The following ADAMTS9 variants were observed in gnomAD, a reference collection of about 807,000 sequenced individuals.
ADAMTS9 encodes A disintegrin and metalloproteinase with thrombospondin motifs 9.
ADAMTS9 carries 107 observed loss-of-function variants against 257.1 expected under a neutral mutation model. The ratio of observed to expected loss-of-function variants is 0.42; its 90% CI spans 0.36 to 0.49. The LOEUF is 0.49. Ranked by LOEUF, ADAMTS9 falls within the 20% of genes least tolerant of loss-of-function variation. The pLI is 0.03. For missense variants in ADAMTS9, 2,353 were observed against 2,469.1 expected (o/e 0.95, Z 1.00); for synonymous variants, 982 against 880.9 (o/e 1.11, Z -2.03).
At chr3:64,613,974 T>C (rs547668834) in intron 21 of ADAMTS9, among the ~76,000 whole-genome samples, 1 of 152,348 alleles carries the variant, frequency 6.6e-6, no homozygotes, top group Non-Finnish European at 1.5e-5. Flanking sequence ...AATGTTCATT[T>C]AATAAATGCC....
At chr3:64,635,436 A>G (rs529202374) in intron 12 of ADAMTS9, among the ~76,000 whole-genome samples, 19 of 152,342 alleles carry the variant, frequency 1.2e-4, no homozygotes, top group African/African-American at 4.6e-4. Flanking sequence ...ATTATTTATC[A>G]TAAGGAAGAC....
chr3:64,530,105 C>G (rs2082958646), intron 38 of ADAMTS9, among the ~76,000 whole-genome samples: 1 of 149,324 alleles, frequency 6.7e-6, no homozygotes, highest in South Asian at 2.1e-4. Context: ...ATTATGGGCA[C>G]AAGGCACTAC....
chr3:64,535,023 G>A (rs1165856930), intron 37 of ADAMTS9, among the ~76,000 whole-genome samples: 1 of 152,156 alleles, frequency 6.6e-6, no homozygotes, highest in Non-Finnish European at 1.5e-5. Context: ...AATAGGAGGT[G>A]ATTAGACAGA....
At chr3:64,567,842 G>GA (rs2083580875) in intron 29 of ADAMTS9, among the ~76,000 whole-genome samples, 2 of 152,144 alleles carry the variant, frequency 1.3e-5, no homozygotes, top group Admixed American at 1.3e-4. Context: ...GTAGGCTCAG[G>GA]AAAATTAAAT....
chr3:64,682,565 G>A (rs1352515014), intron 2 of ADAMTS9, among the ~76,000 whole-genome samples: 2 of 152,160 alleles, frequency 1.3e-5, no homozygotes, highest in Non-Finnish European at 2.9e-5. Flanking sequence ...GAGAAATCAA[G>A]CTCCACTCTT....
chr3:64,680,342 A>C (rs919324598), intron 3 of ADAMTS9, among the ~76,000 whole-genome samples: 2 of 152,234 alleles, frequency 1.3e-5, no homozygotes, highest in African/African-American at 4.8e-5. Flanking sequence ...ATAAAGTTTT[A>C]GAGACAGGGA....
At chr3:64,624,564 A>G (rs1345149817) in intron 16 of ADAMTS9, among the ~76,000 whole-genome samples, 3 of 152,194 alleles carry the variant, frequency 2.0e-5, no homozygotes, top group Admixed American at 2.0e-4. Context: ...AGGTCAAGAG[A>G]GCTTATTGGG....
rs1427795450 is a variant in ADAMTS9, at chr3:64,650,882, T to C, written c.1463+135A>G. 7.3e-6 allele frequency: 6 copies of C among 820,264 alleles called. No homozygotes were observed. The African/African-American group carries it at 1.1e-4, about 15-fold the overall frequency. The allele number at this position is 820,264 out of a possible 1,614,324, so 50.8% of individuals were successfully genotyped here. ...TGTCAGAGAGCTTTTTTTTTTTTTT[T>C]TTGCCTTCTCCAAGGAATGTCAACA... On this transcript the variant is annotated intron_variant, in intron 9 of 39. Transcript: ENST00000498707.
At position 64,561,763 on chromosome 3, in the gene ADAMTS9, G is replaced by C. The variant is rs202061376; in HGVS notation, c.4525-12C>G. 61 of 1,388,380 alleles carry C rather than the reference G, an allele frequency of 4.4e-5. 1 individual carries two copies. The highest frequency in any genetic ancestry group is 5.4e-5 in the Non-Finnish European group (56 of 1,033,400). 86.0% of individuals were successfully genotyped at this position (1,388,380 alleles called of 1,614,324 possible). A position where few individuals can be genotyped will look rare whatever the true frequency, so the allele number is the denominator to read the frequency against. On this transcript the variant is annotated splice_polypyrimidine_tract_variant and intron_variant, in intron 29 of 39. Transcript: ENST00000498707. ...CAGGACACAGAGCACTAAGAAGACA[G>C]AGAACGTAAGTGGGAGCTTCGGCTC...
At chr3:64,517,437 T>TTTTTTTTTTTTTTTTTTTTTG (rs1233567019) in intron 39 of ADAMTS9, among the ~76,000 whole-genome samples, 1 of 141,688 alleles carries the variant, frequency 7.1e-6, no homozygotes, top group Non-Finnish European at 1.5e-5. Flanking sequence ...TTTTTTTTTT[T>TTTTTTTTTTTTTTTTTTTTTG]TTGCAGAAAT....
rs199708862 is a variant in ADAMTS9 at position 64,607,128 on chromosome 3, T to A, written c.3355-49A>T. On this transcript the variant is annotated intron_variant, in intron 22 of 39. Coordinates refer to ENST00000498707, the MANE Select transcript of ADAMTS9 (RefSeq NM_182920.2). Reference sequence around the variant, plus strand: ...ATATACAATTCAGCAAATCTTCTCTTTCCCTTACTTTCCCCATAACATTCT... The same window carrying A: ...ATATACAATTCAGCAAATCTTCTCTATCCCTTACTTTCCCCATAACATTCT... 1.7e-4 allele frequency: 279 copies of A among 1,598,602 alleles called. 1 individual carries two copies. In the African/African-American group the frequency reaches 3.2e-3, roughly 18 times the overall value.
Position 64,541,392 on chromosome 3 carries a change from G to A in ADAMTS9, c.5315C>T (p.Ser1772Phe), listed in dbSNP as rs2083119932. ...LLKIFCAGMH[S>F]DHPKEYVTLV... ...TGTCACGTACTCTTTGGGGTGGTCA[G>A]AGTGCATCCCCGCACAGAATATCTG... is the stretch of plus-strand genomic sequence containing the variant. The change falls in exon 35 of 40, where the codon TCT becomes TTT. Residue 1772 changes from serine to phenylalanine, a missense_variant. Physicochemically the swap from Ser to Phe is radical, Grantham distance 155. Coordinates refer to ENST00000498707, the MANE Select transcript of ADAMTS9 (RefSeq NM_182920.2). The A allele has an allele frequency of 2.5e-6, 4 of 1,614,128 alleles. No individual in the cohort carries two copies. Among genetic ancestry groups the A allele is most frequent in the Non-Finnish European group, 2.5e-6 (3 of 1,180,006 alleles).
intron 28 of ADAMTS9, chr3:64,592,601 C>T (rs1038505674): frequency 2.0e-5 from 3 of 152,074 alleles, no homozygotes; most frequent in African/African-American, 7.2e-5. Flanking sequence ...TATGTTTTTC[C>T]CCCTGTTTTC....
intron 28 of ADAMTS9, among the ~76,000 whole-genome samples, chr3:64,582,198 A>G (rs2106747987): frequency 6.6e-6 from 1 of 152,282 alleles, no homozygotes; most frequent in South Asian, 2.1e-4. Flanking sequence ...CAGAGTGGAA[A>G]AGAGGAGGTG....
At chr3:64,634,664 T>C (rs1465457159) in intron 12 of ADAMTS9, among the ~76,000 whole-genome samples, 1 of 152,138 alleles carries the variant, frequency 6.6e-6, no homozygotes, top group Non-Finnish European at 1.5e-5. Context: ...CATGCCAAAT[T>C]CATCATGGAA....
At position 64,539,198 on chromosome 3, in the gene ADAMTS9, C is replaced by T. The variant is rs761410587; in HGVS notation, c.5613+5G>A. 4 of 1,611,938 alleles carry T rather than the reference C, an allele frequency of 2.5e-6. No homozygotes were observed. ...CTGGCAAGGGGGAAGGCACCAAGGACATACCTGTGGGCACTTGGCAGCGCT... is the reference window on the plus strand; with the variant it reads ...CTGGCAAGGGGGAAGGCACCAAGGATATACCTGTGGGCACTTGGCAGCGCT... On this transcript the variant is annotated splice_donor_5th_base_variant and intron_variant, in intron 37 of 39. Transcript: ENST00000498707.
intron 38 of ADAMTS9, 44 bp from the exon 39 acceptor site, chr3:64,522,304 C>A (rs753725328): frequency 1.3e-6 from 2 of 1,565,466 alleles, no homozygotes; most frequent in East Asian, 2.2e-5. Flanking sequence ...TTGGTTAATG[C>A]TTTCAGGGCC....
At chr3:64,611,969 T>A (rs1468919795) in intron 22 of ADAMTS9, among the ~76,000 whole-genome samples, 4 of 152,220 alleles carry the variant, frequency 2.6e-5, no homozygotes, top group African/African-American at 4.8e-5. Context: ...GTGAGTTTCA[T>A]TTCCATTAAA....
chr3:64,636,561 G>T (rs1352889451), intron 12 of ADAMTS9, among the ~76,000 whole-genome samples: 1 of 152,136 alleles, frequency 6.6e-6, no homozygotes, highest in Non-Finnish European at 1.5e-5. Context: ...TAAAAGTTTA[G>T]CTATTACAAG....
Sources: gnomAD v4.1 joint callset for allele counts (sites outside exome capture counted in the v4.1 genomes callset) on GRCh38, gnomAD v4.1.1 for gene constraint, MANE v1.5 for transcripts, NCBI Gene and HGNC (gene_info 2026-07-23, HGNC 2026-07-21) for gene names.